The following MLPH variants were observed in gnomAD, a reference collection of about 807,000 sequenced individuals.
MLPH encodes the protein melanophilin, also known as exophilin-3.
Under a neutral mutation model 72.1 loss-of-function variants are expected in MLPH, and 51 were observed. The observed-to-expected ratio is 0.71, with a 90% CI of 0.56 to 0.89. The LOEUF (loss-of-function observed/expected upper bound fraction) is 0.89, where lower values mean the gene tolerates loss of function less well. MLPH is among the 40% of genes least tolerant of loss of function. The pLI is 0.00. For synonymous variants in MLPH, 301 were observed against 310.1 expected, an observed-to-expected ratio of 0.97 and a Z score of 0.31; for missense variants, 743 against 759.9, an observed-to-expected ratio of 0.98 and a Z score of 0.26.
intron 4 of MLPH, among the ~76,000 whole-genome samples, chr2:237,517,674 T>A (rs2080072554): frequency 6.7e-6 from 1 of 148,562 alleles, no homozygotes; most frequent in Non-Finnish European, 1.5e-5. Flanking sequence ...GGTGAATGAG[T>A]GGGTAGATGG....
intron 7 of MLPH, 92 bp from the exon 8 acceptor site, chr2:237,527,285 C>A (rs1266012442): frequency 3.9e-6 from 6 of 1,528,518 alleles, no homozygotes; most frequent in Non-Finnish European, 9.1e-7. Flanking sequence ...TCTTCATTTT[C>A]TTTGAGCCTC....
intron 2 of MLPH, among the ~76,000 whole-genome samples, chr2:237,502,994 C>T (rs2079683580): frequency 6.6e-6 from 1 of 152,146 alleles, no homozygotes. Flanking sequence ...TGGCAGGCGC[C>T]TGTTGTCTCA....
intron 2 of MLPH, among the ~76,000 whole-genome samples, chr2:237,494,182 G>T (rs530612073): frequency 2.0e-5 from 3 of 152,160 alleles, no homozygotes; most frequent in East Asian, 1.9e-4. Flanking sequence ...CCCGGCGAAG[G>T]GGGGGGCAGA....
At chr2:237,537,956 G>A (rs2106369330) in intron 9 of MLPH, among the ~76,000 whole-genome samples, 1 of 152,344 alleles carries the variant, frequency 6.6e-6, no homozygotes, top group Admixed American at 6.5e-5. Context: ...CCAGGGGAGA[G>A]CCCTCGGAAT....
chr2:237,539,231 G>A (rs2080612655), intron 9 of MLPH, among the ~76,000 whole-genome samples: 1 of 151,662 alleles, frequency 6.6e-6, no homozygotes, highest in South Asian at 2.1e-4. Flanking sequence ...TGTGGAGGTG[G>A]GGGTGAGGCA....
intron 9 of MLPH, among the ~76,000 whole-genome samples, chr2:237,539,524 TG>T (rs2080620424): frequency 6.6e-6 from 1 of 152,164 alleles, no homozygotes; most frequent in Non-Finnish European, 1.5e-5. Context: ...GATAATTTTG[TG>T]TTTTTATCAC....
chr2:237,518,318 G>A lies in MLPH; in HGVS notation c.446-221G>A, dbSNP rs2080096863. 6.3e-6 allele frequency: 4 copies of A among 634,310 alleles called. No homozygotes were observed. The South Asian group carries it at 6.9e-5, about 11-fold the overall frequency. The allele number at this position is 634,310 out of a possible 1,614,324, so 39.3% of individuals were successfully genotyped here. ...GAGTGGATAAATGGGTGGGTGGGTA[G>A]GTGAATAGATGAATAGATTGATAAA... On this transcript the variant is annotated intron_variant, in intron 4 of 15. Coordinates refer to ENST00000264605, the MANE Select transcript of MLPH (RefSeq NM_024101.7).
At chr2:237,521,300 C>G (rs6729415) in intron 6 of MLPH, among the ~76,000 whole-genome samples, 40,632 of 151,938 alleles carry the variant, frequency 0.27, 7,313 homozygotes, top group African/African-American at 0.51. Flanking sequence ...TTGCGGTATC[C>G]ATGATGAGGT....
At chr2:237,538,295 T>C (rs552108832) in intron 9 of MLPH, among the ~76,000 whole-genome samples, 4 of 152,132 alleles carry the variant, frequency 2.6e-5, no homozygotes, top group Non-Finnish European at 5.9e-5. Context: ...AAAAGGCCAA[T>C]GATGTGTTAC....
intron 2 of MLPH, among the ~76,000 whole-genome samples, chr2:237,496,873 T>C (rs1040351905): frequency 2.0e-5 from 3 of 152,176 alleles, no homozygotes; most frequent in African/African-American, 7.2e-5. Flanking sequence ...CCAAGTGGCA[T>C]TGCTATGATG....
At chr2:237,529,704 G>A in intron 8 of MLPH, among the ~76,000 whole-genome samples, 1 of 152,222 alleles carries the variant, frequency 6.6e-6, no homozygotes, top group Admixed American at 6.5e-5. Context: ...CTTGAGGCAT[G>A]AAACCCAGAG....
In MLPH at chr2:237,540,880, A is replaced by C; in HGVS notation, c.1369A>C (p.Thr457Pro). The change falls in exon 11 of 16, where the codon ACC becomes CCC. Residue 457 changes from threonine to proline, a missense_variant. Thr to Pro is a conservative substitution (Grantham distance 38, BLOSUM62 -1). Transcript: ENST00000264605. ...TGGGGACCCCGTCCAGTACAACAGG[A>C]CCACAGATGAGGAGCTGTCAGAGCT... ...DPGDPVQYNR[T>P]TDEELSELED... The C allele has an allele frequency of 6.2e-7, 1 of 1,613,208 alleles. No homozygotes were observed.
At chr2:237,498,356 C>G (rs900369584) in intron 2 of MLPH, among the ~76,000 whole-genome samples, 16 of 152,222 alleles carry the variant, frequency 1.1e-4, no homozygotes, top group African/African-American at 3.4e-4. Flanking sequence ...TTGAAGGACG[C>G]TGGGCAGGGT....
chr2:237,546,715 C>A, intron 13 of MLPH, 32 bp downstream of exon 13: 1 of 1,583,542 alleles, frequency 6.3e-7, no homozygotes, highest in Non-Finnish European at 8.7e-7. Context: ...CCCCAGACAC[C>A]CGACAAAGGT....
chr2:237,534,962 G>T (rs2080502136), intron 9 of MLPH, among the ~76,000 whole-genome samples: 2 of 152,188 alleles, frequency 1.3e-5, no homozygotes, highest in Admixed American at 1.3e-4. Flanking sequence ...TGGCCCTACA[G>T]CCTCTGAAGT....
chr2:237,534,481 G>A, intron 8 of MLPH, 83 bp from the exon 9 acceptor site: 1 of 1,124,588 alleles, frequency 8.9e-7, no homozygotes, highest in Non-Finnish European at 1.4e-6. Context: ...GGAATTTGGT[G>A]CTTCAGAGGT....
upstream of MLPH, chr2:237,486,820 G>A (rs2079326031): frequency 6.6e-6 from 1 of 152,236 alleles, no homozygotes; most frequent in Admixed American, 6.5e-5. Flanking sequence ...CTGGTCGGTG[G>A]CTTTGGTAGG....
intron 8 of MLPH, among the ~76,000 whole-genome samples, chr2:237,529,045 T>C (rs1489002345): frequency 6.6e-6 from 1 of 152,096 alleles, no homozygotes; most frequent in African/African-American, 2.4e-5. Context: ...GCAGGCTGTA[T>C]TATTATTATT....
intron 14 of MLPH, among the ~76,000 whole-genome samples, chr2:237,551,398 A>G (rs2081037749): frequency 6.6e-6 from 1 of 152,236 alleles, no homozygotes; most frequent in African/African-American, 2.4e-5. Context: ...AAATGCTCCC[A>G]CCCTGGCTGA....
Sources: gnomAD v4.1 joint callset for allele counts (sites outside exome capture counted in the v4.1 genomes callset) on GRCh38, gnomAD v4.1.1 for gene constraint, MANE v1.5 for transcripts, NCBI Gene and HGNC (gene_info 2026-07-23, HGNC 2026-07-21) for gene names.